TBC1D1: variants seen among roughly 807,000 people sequenced by gnomAD.
TBC1D1 encodes the protein TBC1 domain family member 1.
TBC1D1 carries 89 observed loss-of-function variants against 125.6 expected under a neutral mutation model. That is an observed-to-expected ratio of 0.71 (90% CI 0.60 to 0.85). TBC1D1 has a LOEUF of 0.85. Among genes scored for constraint, TBC1D1 ranks in the 40% least tolerant of loss-of-function variants. The pLI, the probability that TBC1D1 is intolerant of heterozygous loss-of-function variation, is 0.00. For synonymous variants in TBC1D1, 565 were observed against 564.1 expected, an observed-to-expected ratio of 1.00 and a Z score of -0.02; for missense variants, 1,377 against 1,469.2, an observed-to-expected ratio of 0.94 and a Z score of 1.03.
intron 2 of TBC1D1, among the ~76,000 whole-genome samples, chr4:37,979,181 AATT>A (rs1733863245): frequency 6.6e-6 from 1 of 152,148 alleles, no homozygotes. Flanking sequence ...CCGCCCTCAA[AATT>A]ATTATTTCGA....
chr4:38,072,866 T>G (rs562995357), intron 12 of TBC1D1, among the ~76,000 whole-genome samples: 41 of 152,332 alleles, frequency 2.7e-4, no homozygotes, highest in African/African-American at 9.4e-4. Flanking sequence ...AGTCATATGG[T>G]ATTTGTCTTC....
intron 11 of TBC1D1, 26 bp downstream of exon 12, chr4:38,052,086 G>T (rs185402742): frequency 3.3e-5 from 51 of 1,549,898 alleles, no homozygotes; most frequent in Non-Finnish European, 8.7e-7. Context: ...TGGCAAGTTT[G>T]GTGTTGTCTG....
At chr4:37,998,399 A>G (rs77176743) in intron 2 of TBC1D1, among the ~76,000 whole-genome samples, 1,903 of 152,234 alleles carry the variant, frequency 0.013, 23 homozygotes, top group Non-Finnish European at 0.018. Flanking sequence ...TCCGTTGGAA[A>G]TGCAAACCTG....
rs1553925802 is a variant in TBC1D1 at position 38,049,819 on chromosome 4, G to GC, written c.1834dup (p.Arg612ProfsTer24). 1 of 1,614,098 alleles carries GC rather than the reference G, an allele frequency of 6.2e-7. No individual in the cohort carries two copies. On this transcript the variant is annotated frameshift_variant, in exon 11 of 20. Transcript: ENST00000261439. LOFTEE classifies it high-confidence loss of function. ...CGAATGCCAGGAACCTCCACAACCT[G>GC]CCCGGGGGTCCCCGGGGGTTTCGCA...
chr4:37,959,269 C>T (rs1000831916), intron 2 of TBC1D1, among the ~76,000 whole-genome samples: 3 of 152,104 alleles, frequency 2.0e-5, no homozygotes, highest in African/African-American at 4.8e-5. Flanking sequence ...ATAACACAGT[C>T]GACTAACATA....
chr4:37,895,714 A>G (rs1714420651), intron 1 of TBC1D1, among the ~76,000 whole-genome samples: 1 of 152,182 alleles, frequency 6.6e-6, no homozygotes, highest in Non-Finnish European at 1.5e-5. Flanking sequence ...AAATAATAAT[A>G]ATAATTTATA....
intron 17 of TBC1D1, among the ~76,000 whole-genome samples, chr4:38,123,149 C>A (rs577626916): frequency 6.6e-6 from 1 of 152,324 alleles, no homozygotes; most frequent in Non-Finnish European, 1.5e-5. Flanking sequence ...AGGCACTTGT[C>A]CCTCTGAGAG....
chr4:38,000,132 A>G (rs1462061556), intron 2 of TBC1D1, among the ~76,000 whole-genome samples: 1 of 152,116 alleles, frequency 6.6e-6, no homozygotes, highest in Non-Finnish European at 1.5e-5. Context: ...ATTTGTTTGC[A>G]TTGGATGGTG....
At chr4:38,110,294 C>A in intron 15 of TBC1D1, 4 of 983,682 alleles carry the variant, frequency 4.1e-6, no homozygotes, top group Non-Finnish European at 4.8e-6. Context: ...AAAAACACAT[C>A]CCTGAGGTCA....
intron 12 of TBC1D1, among the ~76,000 whole-genome samples, chr4:38,078,440 G>A (rs1755968941): frequency 6.6e-6 from 1 of 152,118 alleles, no homozygotes; most frequent in Admixed American, 6.5e-5. Context: ...CTCCTGCTAT[G>A]GACTGAACAT....
chr4:38,097,638 G>A (rs902347197), intron 14 of TBC1D1, among the ~76,000 whole-genome samples: 14 of 152,008 alleles, frequency 9.2e-5, no homozygotes, highest in Admixed American at 6.6e-4. Flanking sequence ...CACCGTGCCC[G>A]GCCAATTTTT....
In TBC1D1 at chr4:38,009,675, G is replaced by C. The variant is rs369783973; in HGVS notation, c.418-4834G>C. On this transcript the variant is annotated intron_variant, in intron 2 of 19. Coordinates refer to ENST00000261439, the MANE Select transcript of TBC1D1 (RefSeq NM_015173.4). ...ACAGTATTCACTTATGCATGCTTCA[G>C]AAACTTCATACATTACTGTGCATTT... Among the ~76,000 whole-genome samples the C allele has an allele frequency of 2.1e-4, 32 of 152,314 alleles. No individual in the cohort carries two copies. In the South Asian group the frequency reaches 5.6e-3, roughly 27 times the overall value.
intron 1 of TBC1D1, among the ~76,000 whole-genome samples, chr4:37,896,152 G>T (rs576038406): frequency 2.0e-5 from 3 of 152,132 alleles, no homozygotes; most frequent in African/African-American, 7.2e-5. Flanking sequence ...AATATTGGCC[G>T]GTTCCTAATC....
intron 2 of TBC1D1, among the ~76,000 whole-genome samples, chr4:37,998,113 C>T (rs1738216180): frequency 6.6e-6 from 1 of 152,052 alleles, no homozygotes; most frequent in Non-Finnish European, 1.5e-5. Context: ...TAGTTCTTGA[C>T]TTCATCCTCT....
In TBC1D1 at chr4:37,902,278, C is replaced by T; in HGVS notation, c.183C>T (p.Thr61=). 6.2e-7 allele frequency: 1 copy of T among 1,614,054 alleles called. No individual in the cohort carries two copies. Among genetic ancestry groups the T allele is most frequent in the East Asian group, 2.2e-5 (1 of 44,876 alleles). ...AGTCCACCAGAAAGGAACCTGTAAC[C>T]AAGCAAGTCCGGCTTTGCGTTTCAC... is the stretch of plus-strand genomic sequence containing the variant. The change falls in exon 2 of 20, where the codon ACC becomes ACT. Residue 61 remains threonine, a synonymous_variant. Transcript: ENST00000261439.
At chr4:38,039,979 A>G (rs756080745) in intron 8 of TBC1D1, among the ~76,000 whole-genome samples, 2 of 151,988 alleles carry the variant, frequency 1.3e-5, no homozygotes, top group Non-Finnish European at 2.9e-5. Flanking sequence ...ATTATTGTCT[A>G]AGAACCAGTG....
At chr4:37,954,824 G>GAAA (rs11380099) in intron 2 of TBC1D1, among the ~76,000 whole-genome samples, 3 of 131,542 alleles carry the variant, frequency 2.3e-5, no homozygotes, top group African/African-American at 2.9e-5. Flanking sequence ...CAGCTGACAT[G>GAAA]AAAAAAAAAA....
intron 18 of TBC1D1, among the ~76,000 whole-genome samples, chr4:38,130,030 T>G (rs1765333520): frequency 6.6e-6 from 1 of 152,154 alleles, no homozygotes; most frequent in South Asian, 2.1e-4. Context: ...CAGGAAATAA[T>G]CCAAAATATG....
intron 2 of TBC1D1, among the ~76,000 whole-genome samples, chr4:37,981,477 G>T (rs530520824): frequency 1.3e-5 from 2 of 152,156 alleles, no homozygotes; most frequent in African/African-American, 4.8e-5. Flanking sequence ...TGTTTTCATG[G>T]AATTCTAGAT....
Sources: gnomAD v4.1 joint callset for allele counts (sites outside exome capture counted in the v4.1 genomes callset) on GRCh38, gnomAD v4.1.1 for gene constraint, MANE v1.5 for transcripts, NCBI Gene and HGNC (gene_info 2026-07-23, HGNC 2026-07-21) for gene names.